The following PCDHA6 variants were observed in gnomAD, a reference collection of about 807,000 sequenced individuals.
The protein encoded by PCDHA6 is protocadherin alpha-6.
PCDHA6 carries 55 observed loss-of-function variants against 60.3 expected under a neutral mutation model. The observed-to-expected ratio is 0.91, with a 90% CI of 0.73 to 1.14. PCDHA6 has a LOEUF of 1.14. PCDHA6 is among the 50% of genes most tolerant of loss of function. PCDHA6 has a pLI of 0.00. For missense variants in PCDHA6, 1,327 were observed against 1,256.5 expected, an observed-to-expected ratio of 1.06 and a Z score of -0.85; for synonymous variants, 652 against 557.9, an observed-to-expected ratio of 1.17 and a Z score of -2.38.
intron 1 of PCDHA6, among the ~76,000 whole-genome samples, chr5:140,920,816 C>A (rs1170521844): frequency 6.6e-6 from 1 of 150,790 alleles, no homozygotes; most frequent in East Asian, 1.9e-4. Flanking sequence ...TGCACTCCAG[C>A]CTGGCGACGG....
At position 140,869,155 on chromosome 5, in the gene PCDHA6, C is replaced by G. The variant is rs74664704; in HGVS notation, c.2394+38670C>G. On this transcript the variant is annotated intron_variant, in intron 1 of 3. Transcript: ENST00000529310. The stretch of plus-strand genomic sequence containing the variant: ...GGGCACCCCACGACTACAGCTCTGG[C>G]TTCTCCTCCTCGAATTCTGGGAGGT... 3.7e-4 allele frequency: 593 copies of G among 1,613,808 alleles called. 1 individual carries two copies. In the African/African-American group the frequency reaches 7.1e-3, roughly 19 times the overall value.
chr5:140,966,452 C>T, intron 1 of PCDHA6: 1 of 425,890 alleles, frequency 2.3e-6, no homozygotes, highest in South Asian at 9.0e-5. Flanking sequence ...TTTCCCCCTC[C>T]CCCTCTGTCT....
At chr5:140,931,602 T>C (rs1192023680) in intron 1 of PCDHA6, among the ~76,000 whole-genome samples, 12 of 152,084 alleles carry the variant, frequency 7.9e-5, no homozygotes, top group Non-Finnish European at 1.2e-4. Flanking sequence ...TTTTCCATCA[T>C]TGTTGATATT....
intron 1 of PCDHA6, among the ~76,000 whole-genome samples, chr5:140,948,785 G>T (rs2094304738): frequency 6.6e-6 from 1 of 151,242 alleles, no homozygotes; most frequent in South Asian, 2.1e-4. Flanking sequence ...TTTTGGCTTT[G>T]TTGATATATT....
chr5:140,897,457 C>T (rs1173344812), intron 1 of PCDHA6, among the ~76,000 whole-genome samples: 11 of 151,186 alleles, frequency 7.3e-5, no homozygotes, highest in East Asian at 1.9e-4. Context: ...TTTGTCCTTG[C>T]GATAGTTTAC....
chr5:140,938,468 A>G (rs1427570517), intron 1 of PCDHA6, among the ~76,000 whole-genome samples: 1 of 152,096 alleles, frequency 6.6e-6, no homozygotes, highest in African/African-American at 2.4e-5. Context: ...TTAATTTATT[A>G]TGTTTTTTAA....
chr5:140,875,134 T>G (rs2055288976), intron 1 of PCDHA6, among the ~76,000 whole-genome samples: 1 of 152,238 alleles, frequency 6.6e-6, no homozygotes, highest in Admixed American at 6.5e-5. Flanking sequence ...TAAACCCGCA[T>G]TTATAAATGA....
At chr5:141,004,434 G>T (rs1383958111) in intron 3 of PCDHA6, among the ~76,000 whole-genome samples, 2 of 152,186 alleles carry the variant, frequency 1.3e-5, no homozygotes, top group Non-Finnish European at 2.9e-5. Flanking sequence ...TGGAGTTTAG[G>T]CTGAGTCATA....
chr5:140,870,485 T>C lies in PCDHA6; in HGVS notation c.2394+40000T>C, dbSNP rs1388283363. 1 of 1,614,118 alleles carries C rather than the reference T, an allele frequency of 6.2e-7. No homozygotes were observed. Among genetic ancestry groups the C allele is most frequent in the South Asian group, 1.1e-5 (1 of 91,094 alleles). On this transcript the variant is annotated intron_variant, in intron 1 of 3. Coordinates refer to ENST00000529310, the MANE Select transcript of PCDHA6 (RefSeq NM_018909.4). The stretch of plus-strand genomic sequence containing the variant: ...GCGTTCGCACAGCCCGAGTACACCG[T>C]GTTCGTGAAGGAGAACAACCCACCA...
chr5:140,858,585 T>C, intron 1 of PCDHA6: 1 of 1,345,266 alleles, frequency 7.4e-7, no homozygotes, highest in Non-Finnish European at 1.0e-6. Context: ...GTAATATAAT[T>C]TATTCCAGGA....
chr5:140,936,054 G>A (rs1198755229), intron 1 of PCDHA6, among the ~76,000 whole-genome samples: 2 of 151,770 alleles, frequency 1.3e-5, no homozygotes, highest in Non-Finnish European at 1.5e-5. Flanking sequence ...CACCACACCC[G>A]GCTAATTTTT....
In PCDHA6 at chr5:141,011,713, T is replaced by G. The variant is rs1198989870; in HGVS notation, c.*1776T>G. 6.5e-6 allele frequency: 1 copy of G among 153,774 alleles called. No individual in the cohort carries two copies. The highest frequency in any genetic ancestry group is 1.5e-5 in the Non-Finnish European group (1 of 68,048). 9.5% of individuals were successfully genotyped at this position (153,774 alleles called of 1,614,324 possible). On this transcript the variant is annotated 3_prime_UTR_variant, in exon 4 of 4. Coordinates refer to ENST00000529310, the MANE Select transcript of PCDHA6 (RefSeq NM_018909.4). Reference sequence around the variant, plus strand: ...ATTTTGGAATGAATACTGACAATATTCCATGAGGGTGTGCAAGCACAAATT... The same window carrying G: ...ATTTTGGAATGAATACTGACAATATGCCATGAGGGTGTGCAAGCACAAATT...
At chr5:140,850,538 G>A (rs2150488632) in intron 1 of PCDHA6, 3 of 1,598,364 alleles carry the variant, frequency 1.9e-6, no homozygotes, top group Non-Finnish European at 1.7e-6. Context: ...CATCGTCGCG[G>A]GCGTCAGTGG....
intron 2 of PCDHA6, among the ~76,000 whole-genome samples, chr5:140,979,895 T>G (rs1460432451): frequency 6.6e-6 from 1 of 152,222 alleles, no homozygotes; most frequent in Non-Finnish European, 1.5e-5. Context: ...TTCACCAAAC[T>G]TAGATCAGTT....
At chr5:140,987,635 G>A (rs2097262928) in intron 3 of PCDHA6, among the ~76,000 whole-genome samples, 3 of 152,176 alleles carry the variant, frequency 2.0e-5, no homozygotes, top group Non-Finnish European at 4.4e-5. Context: ...ATGAGATAAT[G>A]CACACATATT....
At chr5:140,903,979 C>T (rs988987540) in intron 1 of PCDHA6, among the ~76,000 whole-genome samples, 3 of 152,150 alleles carry the variant, frequency 2.0e-5, no homozygotes, top group Admixed American at 2.0e-4. Flanking sequence ...GGTCTATTCA[C>T]AATGTAACAG....
chr5:140,915,966 T>C (rs1420384919), intron 1 of PCDHA6, among the ~76,000 whole-genome samples: 1 of 152,160 alleles, frequency 6.6e-6, no homozygotes, highest in Non-Finnish European at 1.5e-5. Flanking sequence ...ATTTGCCTGA[T>C]ATTTTATTTG....
At chr5:140,862,775 A>C (rs1480702653) in intron 1 of PCDHA6, 4 of 576,960 alleles carry the variant, frequency 6.9e-6, no homozygotes, top group Non-Finnish European at 1.3e-5. Flanking sequence ...TACGCGTTGC[A>C]GCCACTGGAC....
intron 1 of PCDHA6, among the ~76,000 whole-genome samples, chr5:140,912,746 A>G (rs1322674627): frequency 6.6e-6 from 1 of 152,200 alleles, no homozygotes; most frequent in Admixed American, 6.5e-5. Flanking sequence ...TGGGTCTGTC[A>G]TAGATGGCTT....
Sources: allele counts gnomAD v4.1 joint callset (sites outside exome capture counted in the v4.1 genomes callset), GRCh38; gene constraint gnomAD v4.1.1; transcripts MANE v1.5; gene names NCBI Gene and HGNC (gene_info 2026-07-23, HGNC 2026-07-21).